Variants in GLRB observed in about 807,000 individuals in gnomAD.
The protein encoded by GLRB is glycine receptor beta.
Under a neutral mutation model 54.2 loss-of-function variants are expected in GLRB, and 33 were observed. That is an observed-to-expected ratio of 0.61 (90% CI 0.46 to 0.81). The LOEUF is 0.81. GLRB is among the 40% of genes least tolerant of loss of function. GLRB has a pLI of 0.00. For missense variants in GLRB, 572 were observed against 584.6 expected (o/e 0.98, Z 0.22); for synonymous variants, 209 against 208.2 (o/e 1.00, Z -0.03).
chr4:157,165,476 C>T (rs1289994156), intron 9 of GLRB, among the ~76,000 whole-genome samples: 1 of 151,506 alleles, frequency 6.6e-6, no homozygotes, highest in Non-Finnish European at 1.5e-5. Context: ...ATGTTTGAAG[C>T]TGATGTATAA....
intron 6 of GLRB, among the ~76,000 whole-genome samples, chr4:157,138,068 A>G (rs1432582857): frequency 6.6e-6 from 1 of 151,990 alleles, no homozygotes; most frequent in Non-Finnish European, 1.5e-5. Flanking sequence ...AGTGATCATA[A>G]TGATGATGAT....
At chr4:157,119,240 G>T (rs931277072) in intron 2 of GLRB, among the ~76,000 whole-genome samples, 8 of 151,514 alleles carry the variant, frequency 5.3e-5, no homozygotes, top group Admixed American at 5.3e-4. Context: ...TGATAATAGT[G>T]AAAAGTATTT....
chr4:157,077,125 T>C (rs1460624967), intron 1 of GLRB, among the ~76,000 whole-genome samples: 1 of 152,188 alleles, frequency 6.6e-6, no homozygotes, highest in South Asian at 2.1e-4. Flanking sequence ...GAAATGAAGG[T>C]TGCAGAAGAG....
At chr4:157,168,050 C>T (rs985113860) in intron 9 of GLRB, among the ~76,000 whole-genome samples, 1 of 152,094 alleles carries the variant, frequency 6.6e-6, no homozygotes, top group African/African-American at 2.4e-5. Flanking sequence ...CCTCCAACAC[C>T]GGGAGTCACA....
At chr4:157,167,726 G>A (rs986383419) in intron 9 of GLRB, among the ~76,000 whole-genome samples, 2 of 152,092 alleles carry the variant, frequency 1.3e-5, no homozygotes, top group Non-Finnish European at 2.9e-5. Context: ...AAGGAAATAC[G>A]TGAGGCTGTA....
chr4:157,102,869 C>G (rs1735083668), intron 2 of GLRB, among the ~76,000 whole-genome samples: 1 of 152,026 alleles, frequency 6.6e-6, no homozygotes. Flanking sequence ...TTCTCTATGT[C>G]AAAAGGTGAA....
At chr4:157,076,972 T>TG (rs35126594) in intron 1 of GLRB, among the ~76,000 whole-genome samples, 1,415 of 14,006 alleles carry the variant, frequency 0.1, 84 homozygotes, top group Non-Finnish European at 0.19. Flanking sequence ...GGAAGAATCC[T>TG]GGGGGGGGGG....
chr4:157,132,607 A>G (rs1041189530), intron 4 of GLRB, among the ~76,000 whole-genome samples: 1 of 151,808 alleles, frequency 6.6e-6, no homozygotes, highest in Non-Finnish European at 1.5e-5. Flanking sequence ...TTGTTCTTAC[A>G]TCCCTTAGGG....
At chr4:157,145,039 C>A (rs887547892) in intron 8 of GLRB, among the ~76,000 whole-genome samples, 3 of 152,044 alleles carry the variant, frequency 2.0e-5, no homozygotes, top group African/African-American at 7.2e-5. Context: ...AATTTAAATT[C>A]TTAGACTTGT....
At chr4:157,101,797 GTTT>G (rs77992858) in intron 2 of GLRB, among the ~76,000 whole-genome samples, 3 of 38,002 alleles carry the variant, frequency 7.9e-5, no homozygotes, top group East Asian at 5.4e-4. Flanking sequence ...AGTCAAACTT[GTTT>G]TTTTTTTTTT....
At chr4:157,157,851 G>A (rs1005738981) in intron 9 of GLRB, among the ~76,000 whole-genome samples, 3 of 152,034 alleles carry the variant, frequency 2.0e-5, no homozygotes, top group Non-Finnish European at 2.9e-5. Flanking sequence ...TTAGATATAT[G>A]CCCAGTAATG....
In GLRB at chr4:157,162,743, C is replaced by T. The variant is rs138422798; in HGVS notation, c.1198-7689C>T. ...CGGCTGTATGAGGTGTCAGTTGGCC[C>T]CTACTGTGAGATGTCTCCCAGTTAG... On this transcript the variant is annotated intron_variant, in intron 9 of 9. Transcript: ENST00000264428. 1.4e-4 allele frequency among the ~76,000 whole-genome samples: 22 copies of T among 152,284 alleles called. No homozygotes were observed. In the East Asian group the frequency reaches 4.3e-3, roughly 30 times the overall value.
rs75111571 is a variant in GLRB at position 157,084,810 on chromosome 4, G to A, written c.122+6664G>A. ...TATTAGCCATCTTCCTATTCTGACT[G>A]TTTTGTCTCCTTTATCTTCTATTCA... On this transcript the variant is annotated intron_variant, in intron 2 of 9. Transcript: ENST00000264428. 3,157 of 389,032 alleles carry A rather than the reference G, an allele frequency of 8.1e-3. 71 individuals are homozygous for A. Among genetic ancestry groups the A allele is most frequent in the African/African-American group, 0.059 (2,769 of 47,032 alleles). The allele number at this position is 389,032 out of a possible 1,614,324, so 24.1% of individuals were successfully genotyped here.
rs944669337 is a variant in GLRB, at chr4:157,171,219, A to G, written c.*491A>G. ...CATATTGTTTAAACTTTGTAAGTAG[A>G]AATATATCTGTTATAATTATACAGG... On this transcript the variant is annotated 3_prime_UTR_variant, in exon 10 of 10. Coordinates refer to ENST00000264428, the MANE Select transcript of GLRB (RefSeq NM_000824.5). 2.6e-5 allele frequency: 4 copies of G among 152,492 alleles called. No homozygotes were observed. The highest frequency in any genetic ancestry group is 2.0e-4 in the Admixed American group (3 of 15,260). 9.4% of individuals were successfully genotyped at this position (152,492 alleles called of 1,614,324 possible).
At chr4:157,083,225 CAT>C (rs142166182) in intron 2 of GLRB, among the ~76,000 whole-genome samples, 5,062 of 151,982 alleles carry the variant, frequency 0.033, 104 homozygotes, top group Non-Finnish European at 0.051. Flanking sequence ...TAATTAAAAT[CAT>C]ATCATATTAG....
chr4:157,090,685 C>G (rs1734577899), intron 2 of GLRB, among the ~76,000 whole-genome samples: 2 of 152,206 alleles, frequency 1.3e-5, no homozygotes, highest in Non-Finnish European at 2.9e-5. Context: ...TTGAGTGGTT[C>G]TTTTGTCCAA....
chr4:157,169,478 A>C (rs906153894), intron 9 of GLRB, among the ~76,000 whole-genome samples: 5 of 152,148 alleles, frequency 3.3e-5, no homozygotes, highest in African/African-American at 1.2e-4. Flanking sequence ...TGGTTCCAGT[A>C]TCCCCTGCAG....
chr4:157,110,722 A>G (rs1340519429), intron 2 of GLRB, among the ~76,000 whole-genome samples: 1 of 152,024 alleles, frequency 6.6e-6, no homozygotes, highest in African/African-American at 2.4e-5. Context: ...TATGCAGCAG[A>G]AAAACCTCTA....
At chr4:157,163,107 G>A (rs1385396320) in intron 9 of GLRB, among the ~76,000 whole-genome samples, 1 of 152,204 alleles carries the variant, frequency 6.6e-6, no homozygotes, top group African/African-American at 2.4e-5. Flanking sequence ...CAGTGAGCGA[G>A]GCTCCGTGGG....
Sources: allele counts gnomAD v4.1 joint callset (sites outside exome capture counted in the v4.1 genomes callset), GRCh38; gene constraint gnomAD v4.1.1; transcripts MANE v1.5; gene names NCBI Gene and HGNC (gene_info 2026-07-23, HGNC 2026-07-21).